The following CDH13 variants were observed in gnomAD, a reference collection of about 807,000 sequenced individuals.
The protein encoded by CDH13 is cadherin 13, also known as cadherin-13.
A neutral mutation model predicts 63.8 loss-of-function variants in CDH13; 24 were observed. That is an observed-to-expected ratio of 0.38 (90% confidence interval 0.27 to 0.53). The LOEUF (loss-of-function observed/expected upper bound fraction) is 0.53. Ranked by LOEUF, CDH13 falls within the 20% of genes least tolerant of loss-of-function variation. The pLI, the probability that CDH13 is intolerant of heterozygous loss-of-function variation, is 0.85. For synonymous variants in CDH13, 503 were observed against 355.3 expected, an observed-to-expected ratio of 1.42 and a Z score of -4.67; for missense variants, 1,049 against 903.1, an observed-to-expected ratio of 1.16 and a Z score of -2.07.
chr16:83,297,095 G>A (rs1048227074), intron 5 of CDH13, among the ~76,000 whole-genome samples: 3 of 152,146 alleles, frequency 2.0e-5, no homozygotes, highest in Admixed American at 2.0e-4. Context: ...GAGAAGGGTA[G>A]GAGAGAGGAT....
chr16:83,379,919 G>GTATATATATATATA (rs747045728), intron 6 of CDH13, among the ~76,000 whole-genome samples: 38 of 126,428 alleles, frequency 3.0e-4, no homozygotes, highest in African/African-American at 9.6e-4. Context: ...ATGTGTGTGT[G>GTATATATATATATA]TATATATATA....
rs147462570 is a variant in CDH13, at chr16:82,643,422, A to G, written c.45+16285A>G. Among the ~76,000 whole-genome samples, 768 of 152,314 alleles carry G rather than the reference A, an allele frequency of 5.0e-3. 5 individuals carry two copies. The highest frequency in any genetic ancestry group is 0.017 in the African/African-American group (691 of 41,572). On this transcript the variant is annotated intron_variant, in intron 1 of 13. Transcript: ENST00000567109. ...CACCCTACTGAGATCAGAAAGCGGA[A>G]GCAGAACGATGTTGAGAAACTTGGG... is the stretch of plus-strand genomic sequence containing the variant.
At position 82,666,149 on chromosome 16, in the gene CDH13, A is replaced by T. The variant is rs186394659; in HGVS notation, c.45+39012A>T. Among the ~76,000 whole-genome samples the T allele has an allele frequency of 4.9e-4, 74 of 152,202 alleles. No individual in the cohort carries two copies. In the Middle Eastern group the frequency reaches 0.01, roughly 21 times the overall value. On this transcript the variant is annotated intron_variant, in intron 1 of 13. Coordinates refer to ENST00000567109, the MANE Select transcript of CDH13 (RefSeq NM_001257.5). ...CGATCTCACGTCTGTTTTTTTGCCA[A>T]AAAATATAGCTGCTGGGGAACCTGT...
intron 8 of CDH13, among the ~76,000 whole-genome samples, chr16:83,665,163 T>G (rs1403654306): frequency 7.0e-6 from 1 of 142,718 alleles, no homozygotes; most frequent in Non-Finnish European, 1.5e-5. Context: ...GTGCCAGGCA[T>G]ACATAACTGA....
intron 2 of CDH13, among the ~76,000 whole-genome samples, chr16:83,010,594 C>T (rs1216146986): frequency 6.6e-6 from 1 of 152,122 alleles, no homozygotes; most frequent in African/African-American, 2.4e-5. Flanking sequence ...TTTGAAATTT[C>T]TGTTGCACTT....
At chr16:82,744,327 A>G (rs2034064604) in intron 1 of CDH13, among the ~76,000 whole-genome samples, 1 of 152,166 alleles carries the variant, frequency 6.6e-6, no homozygotes, top group Non-Finnish European at 1.5e-5. Context: ...TCGCTTTTGT[A>G]GTCGTTTTTC....
chr16:83,256,510 A>G (rs1009408673), intron 5 of CDH13, among the ~76,000 whole-genome samples: 3 of 151,912 alleles, frequency 2.0e-5, no homozygotes, highest in Non-Finnish European at 2.9e-5. Flanking sequence ...GGCACCTCCA[A>G]TGAAAAGGAT....
chr16:83,381,607 AT>A (rs1352562631), intron 6 of CDH13, among the ~76,000 whole-genome samples: 1 of 151,934 alleles, frequency 6.6e-6, no homozygotes, highest in Admixed American at 6.6e-5. Context: ...CTTCTCCCAT[AT>A]CACCTCTATA....
chr16:82,797,643 T>C (rs777235963), intron 1 of CDH13, among the ~76,000 whole-genome samples: 11 of 152,140 alleles, frequency 7.2e-5, no homozygotes, highest in Non-Finnish European at 1.5e-4. Flanking sequence ...CATTTACCTG[T>C]TTAGGAAAAA....
At chr16:82,898,719 G>T (rs1350035228) in intron 2 of CDH13, among the ~76,000 whole-genome samples, 1 of 152,166 alleles carries the variant, frequency 6.6e-6, no homozygotes, top group Non-Finnish European at 1.5e-5. Context: ...TTACCTGATG[G>T]ATGAAGCAGG....
chr16:82,802,310 C>G (rs1360657909), intron 1 of CDH13, among the ~76,000 whole-genome samples: 1 of 152,126 alleles, frequency 6.6e-6, no homozygotes, highest in Non-Finnish European at 1.5e-5. Context: ...CAGTGTCTCC[C>G]ACAACCAGCA....
intron 4 of CDH13, among the ~76,000 whole-genome samples, chr16:83,137,906 ACTT>A (rs756780650): frequency 7.9e-5 from 12 of 151,812 alleles, no homozygotes; most frequent in Admixed American, 7.9e-4. Flanking sequence ...TGAATGAAGA[ACTT>A]CTTTTATTTT....
intron 1 of CDH13, among the ~76,000 whole-genome samples, chr16:82,643,027 T>C (rs1161767927): frequency 6.6e-6 from 1 of 152,150 alleles, no homozygotes; most frequent in Non-Finnish European, 1.5e-5. Context: ...AGAAAGCAGA[T>C]TAGAAGATGT....
chr16:82,816,810 C>CG (rs1421205528), intron 1 of CDH13, among the ~76,000 whole-genome samples: 1 of 103,188 alleles, frequency 9.7e-6, no homozygotes, highest in Admixed American at 1.3e-4. Context: ...CTTCGGGGGG[C>CG]GGGGGGTGGG....
At chr16:82,861,808 G>A (rs1055740726) in intron 2 of CDH13, among the ~76,000 whole-genome samples, 3 of 152,034 alleles carry the variant, frequency 2.0e-5, no homozygotes, top group African/African-American at 7.2e-5. Flanking sequence ...CAATATGCTG[G>A]GACCAAAACA....
At chr16:83,335,910 G>GC (rs924328464) in intron 5 of CDH13, among the ~76,000 whole-genome samples, 1 of 152,108 alleles carries the variant, frequency 6.6e-6, no homozygotes, top group African/African-American at 2.4e-5. Flanking sequence ...TCTTGCCGAT[G>GC]CCCCCGGCTG....
At chr16:83,123,660 T>A (rs1156728729) in intron 3 of CDH13, among the ~76,000 whole-genome samples, 1 of 152,194 alleles carries the variant, frequency 6.6e-6, no homozygotes, top group Admixed American at 6.5e-5. Context: ...AGTGCTATGA[T>A]AAACACACAA....
intron 1 of CDH13, among the ~76,000 whole-genome samples, chr16:82,698,986 A>G (rs1243877317): frequency 6.6e-6 from 1 of 152,320 alleles, no homozygotes; most frequent in African/African-American, 2.4e-5. Context: ...TCCAGGCTGT[A>G]TAAAAATAGA....
intron 3 of CDH13, among the ~76,000 whole-genome samples, chr16:83,057,984 TAAAAC>T (rs1391945850): frequency 6.6e-6 from 1 of 152,114 alleles, no homozygotes; most frequent in Non-Finnish European, 1.5e-5. Flanking sequence ...AAAAATAAAA[TAAAAC>T]AAAGATAATC....
Sources: gnomAD v4.1 joint callset for allele counts (sites outside exome capture counted in the v4.1 genomes callset) on GRCh38, gnomAD v4.1.1 for gene constraint, MANE v1.5 for transcripts, NCBI Gene and HGNC (gene_info 2026-07-23, HGNC 2026-07-21) for gene names.